The following AP2A2 variants were observed in gnomAD, a reference collection of about 807,000 sequenced individuals.
AP2A2 encodes adaptor related protein complex 2 subunit alpha 2.
A neutral mutation model predicts 104.2 loss-of-function variants in AP2A2; 32 were observed. The ratio of observed to expected loss-of-function variants is 0.31; its 90% CI spans 0.23 to 0.41. The LOEUF (loss-of-function observed/expected upper bound fraction) is 0.41. Ranked by LOEUF, AP2A2 falls within the 10% of genes least tolerant of loss-of-function variation. The pLI, the probability that AP2A2 is intolerant of heterozygous loss-of-function variation, is 1.00. For missense variants in AP2A2, 912 were observed against 1,261.0 expected (o/e 0.72, Z 4.19); for synonymous variants, 539 against 533.3 (o/e 1.01, Z -0.15).
chr11:970,152 C>T lies in AP2A2; in HGVS notation c.137-17C>T. 6.2e-7 allele frequency: 1 copy of T among 1,613,358 alleles called. No individual in the cohort carries two copies. The highest frequency in any genetic ancestry group is 8.5e-7 in the Non-Finnish European group (1 of 1,179,520). ...CTGCCCGCCTGGAATAAAACCTCTT[C>T]CCCACCTTTTCTGTAGGTGACAAGG... is the stretch of plus-strand genomic sequence containing the variant. On this transcript the variant is annotated splice_polypyrimidine_tract_variant and intron_variant, in intron 2 of 21. Coordinates refer to ENST00000448903, the MANE Select transcript of AP2A2 (RefSeq NM_012305.4).
rs373882367 is a variant in AP2A2, at chr11:1,010,615, C to T, written c.2810C>T (p.Ala937Val). 2.2e-5 allele frequency: 35 copies of T among 1,594,088 alleles called. No individual in the cohort carries two copies. Among genetic ancestry groups the T allele is most frequent in the Admixed American group, 3.5e-5 (2 of 57,332 alleles). The change falls in exon 22 of 22, where the codon GCG becomes GTG. Residue 937 changes from alanine to valine, a missense_variant. Ala to Val is a moderately conservative substitution (Grantham distance 64). Around this residue, in one of 7 missense-constraint regions of AP2A2, gnomAD observed 239 missense variants for 329.8 expected, o/e 0.72. Transcript: ENST00000448903. ...CAGAGATTATGTGAATTGCTCTCAG[C>T]GCAGTTTTAGTCCTGAGGATGGAAG... ...VSQRLCELLS[A>V]QF is the part of the protein sequence containing the mutation.
rs370614113 is a variant in AP2A2, at chr11:993,300, C to T, written c.1469C>T (p.Ala490Val). ...GCTTCGCAGGCTCTTCAGGCTCCCG[C>T]GTGCCACGAGAACCTGGTCAAAGTG... is the stretch of plus-strand genomic sequence containing the variant. ...KTVFEALQAP[A>V]CHENLVKVGG... The change falls in exon 12 of 22, where the codon GCG (alanine) becomes GTG (valine). Residue 490 changes from alanine (A) to valine (V), a missense_variant. Physicochemically the swap from Ala to Val is moderately conservative, Grantham distance 64. This residue lies in a region of AP2A2 where 137 missense variants were observed against 186.9 expected (regional missense o/e 0.73). Transcript: ENST00000448903. The surrounding 1 kb of genome is among the most constrained non-coding windows in gnomAD (Gnocchi z 8.2). 13 of 1,610,210 alleles carry T rather than the reference C, an allele frequency of 8.1e-6. No individual in the cohort carries two copies. Among genetic ancestry groups the T allele is most frequent in the Non-Finnish European group, 1.1e-5 (13 of 1,178,896 alleles).
In AP2A2 at chr11:1,012,206, C is replaced by T. The variant is rs1206717501; in HGVS notation, c.*1581C>T. The T allele has an allele frequency of 1.3e-5, 2 of 152,348 alleles. No homozygotes were observed. Among genetic ancestry groups the T allele is most frequent in the Admixed American group, 6.5e-5 (1 of 15,290 alleles). The allele number at this position is 152,348 out of a possible 1,614,324, so 9.4% of individuals were successfully genotyped here. On this transcript the variant is annotated 3_prime_UTR_variant, in exon 22 of 22. Transcript: ENST00000448903. ...CTGCAGAGGGGCCCTCAGTGTGGCA[C>T]TCCTCGTCAAAGAAAAATAAAGGCT...
intron 10 of AP2A2, among the ~76,000 whole-genome samples, chr11:990,927 C>T (rs954753394): frequency 2.7e-5 from 4 of 150,862 alleles, no homozygotes; most frequent in African/African-American, 4.9e-5. Context: ...CCACCCCATC[C>T]TTTCAGTCGG....
At chr11:1,009,014 G>A (rs895894435) in intron 18 of AP2A2, 86 bp from the exon 19 acceptor site, 13 of 1,127,508 alleles carry the variant, frequency 1.2e-5, no homozygotes, top group East Asian at 1.0e-4. Context: ...AGATCGGGAC[G>A]CTTCTCACTC....
Position 925,977 on chromosome 11 carries a change from C to T in AP2A2, c.-45C>T. 1 of 1,370,456 alleles carries T rather than the reference C, an allele frequency of 7.3e-7. No individual in the cohort carries two copies. The highest frequency in any genetic ancestry group is 9.6e-7 in the Non-Finnish European group (1 of 1,043,882). The allele number at this position is 1,370,456 out of a possible 1,614,324, so 84.9% of individuals were successfully genotyped here. On this transcript the variant is annotated 5_prime_UTR_variant, in exon 1 of 22. Coordinates refer to ENST00000448903, the MANE Select transcript of AP2A2 (RefSeq NM_012305.4). ...TCCCCGCTTCCCGCTCCCCGCGCTC[C>T]TCCGCCCGGGTCCGCCAGCCGAGGC...
intron 1 of AP2A2, among the ~76,000 whole-genome samples, chr11:936,474 G>C (rs1325571080): frequency 6.6e-6 from 1 of 151,850 alleles, no homozygotes; most frequent in East Asian, 1.9e-4. Flanking sequence ...GCTTACTTCA[G>C]CCTTGACTTC....
chr11:969,940 G>A (rs1244992712), intron 2 of AP2A2, among the ~76,000 whole-genome samples: 1 of 152,152 alleles, frequency 6.6e-6, no homozygotes, highest in African/African-American at 2.4e-5. Flanking sequence ...AGATGTTCTG[G>A]TGCCTGTTTT....
intron 5 of AP2A2, among the ~76,000 whole-genome samples, chr11:980,045 C>T (rs927342865): frequency 2.7e-5 from 4 of 150,610 alleles, no homozygotes; most frequent in South Asian, 4.3e-4. Flanking sequence ...TGCCCGGTGC[C>T]GTGTCCTGGA....
intron 1 of AP2A2, among the ~76,000 whole-genome samples, chr11:936,832 C>T (rs922132782): frequency 4.6e-5 from 7 of 152,080 alleles, no homozygotes; most frequent in Middle Eastern, 3.2e-3. Flanking sequence ...GCAGCACCAC[C>T]GCAGCCTGTA....
intron 16 of AP2A2, among the ~76,000 whole-genome samples, chr11:1,004,828 T>C (rs1276096070): frequency 2.0e-5 from 3 of 152,194 alleles, no homozygotes; most frequent in Non-Finnish European, 4.4e-5. Context: ...TATGCATAAA[T>C]AACCAAAAAG....
rs115664998 is a variant in AP2A2 at position 993,115 on chromosome 11, G to A, written c.1453-169G>A. ...TGGCAGCCTTGGGTTCCTTGCTGCT[G>A]ACACAGGTACTGAGGGTGCTGAGGA... On this transcript the variant is annotated intron_variant, in intron 11 of 21. Transcript: ENST00000448903. The surrounding 1 kb of genome is among the most constrained non-coding windows in gnomAD (Gnocchi z 8.2). Among the ~76,000 whole-genome samples the A allele has an allele frequency of 0.02, 3,008 of 152,296 alleles. 104 individuals are homozygous for A. Among genetic ancestry groups the A allele is most frequent in the African/African-American group, 0.068 (2,838 of 41,566 alleles).
At chr11:998,225 C>G (rs1258724321) in intron 14 of AP2A2, among the ~76,000 whole-genome samples, 1 of 152,236 alleles carries the variant, frequency 6.6e-6, no homozygotes, top group Non-Finnish European at 1.5e-5. Context: ...GCACATGAGA[C>G]CCGTGTCGTC....
chr11:1,000,616 G>C lies in AP2A2; in HGVS notation c.2123+18G>C. The C allele has an allele frequency of 6.5e-7, 1 of 1,536,950 alleles. No individual in the cohort carries two copies. Among genetic ancestry groups the C allele is most frequent in the Non-Finnish European group, 8.7e-7 (1 of 1,146,522 alleles). ...TTTGCCAGGTAGTCAGGTTTCCTGA[G>C]TCCTGCAGACAGGCACGGGGCTGCC... On this transcript the variant is annotated intron_variant, in intron 15 of 21. Coordinates refer to ENST00000448903, the MANE Select transcript of AP2A2 (RefSeq NM_012305.4).
intron 6 of AP2A2, 64 bp downstream of exon 6, chr11:981,363 C>A (rs1194753155): frequency 2.3e-6 from 3 of 1,331,690 alleles, no homozygotes; most frequent in African/African-American, 2.9e-5. Context: ...TATTTATTAG[C>A]TTATTTGTAG....
rs1590007404 is a variant in AP2A2, at chr11:994,190, G to A, written c.1901G>A (p.Arg634Lys). ...GACCTGGAGGACACCAAGCGGGACAGGAGTGTGGACGTGAACGGGGGTCCT... is the reference window on the plus strand; with the variant it reads ...GACCTGGAGGACACCAAGCGGGACAAGAGTGTGGACGTGAACGGGGGTCCT... ...VTDLEDTKRDRSVDVNGGPEP... is the reference protein window; with the variant it reads ...VTDLEDTKRDKSVDVNGGPEP... Residue 634 changes from arginine (R) to lysine (K), a missense_variant, in exon 14 of 22, where the codon AGG becomes AAG. Arg to Lys is a conservative substitution (Grantham distance 26). Transcript: ENST00000448903. The A allele has an allele frequency of 5.0e-6, 8 of 1,613,020 alleles. No individual in the cohort carries two copies. Among genetic ancestry groups the A allele is most frequent in the East Asian group, 2.2e-5 (1 of 44,882 alleles).
At chr11:976,852 C>A (rs1408853960) in intron 4 of AP2A2, among the ~76,000 whole-genome samples, 1 of 152,250 alleles carries the variant, frequency 6.6e-6, no homozygotes, top group African/African-American at 2.4e-5. Flanking sequence ...ATGTGAGCTG[C>A]ATGTGGTCGG....
At chr11:962,308 G>A (rs1854468730) in intron 2 of AP2A2, among the ~76,000 whole-genome samples, 1 of 152,258 alleles carries the variant, frequency 6.6e-6, no homozygotes, top group Admixed American at 6.5e-5. Context: ...AATCCATTTT[G>A]TTATTGTGAA....
chr11:1,011,614 C>G lies in AP2A2; in HGVS notation c.*989C>G. 2.5e-6 allele frequency: 1 copy of G among 404,556 alleles called. No homozygotes were observed. The highest frequency in any genetic ancestry group is 5.0e-6 in the Non-Finnish European group (1 of 200,598). The allele number at this position is 404,556 out of a possible 1,614,324, so 25.1% of individuals were successfully genotyped here. A position where few individuals can be genotyped will look rare whatever the true frequency, so the allele number is the denominator to read the frequency against. On this transcript the variant is annotated 3_prime_UTR_variant, in exon 22 of 22. Coordinates refer to ENST00000448903, the MANE Select transcript of AP2A2 (RefSeq NM_012305.4). ...GGCTGCACGTCTGACACCTGAGAGG[C>G]GAGAGAGTGGGGCCGGCCTAGGAGC... is the stretch of plus-strand genomic sequence containing the variant.
Sources: allele counts gnomAD v4.1 joint callset (sites outside exome capture counted in the v4.1 genomes callset), GRCh38; gene constraint gnomAD v4.1.1; regional missense constraint gnomAD v4.1.1; non-coding constraint Gnocchi (gnomAD v3.1); transcripts MANE v1.5; gene names NCBI Gene and HGNC (gene_info 2026-07-23, HGNC 2026-07-21).